MACROD2: variants seen among roughly 807,000 people sequenced by gnomAD.
MACROD2 encodes ADP-ribose glycohydrolase MACROD2.
Under a neutral mutation model 70.4 loss-of-function variants are expected in MACROD2, and 36 were observed. The ratio of observed to expected loss-of-function variants is 0.51; its 90% CI spans 0.39 to 0.68. The LOEUF (loss-of-function observed/expected upper bound fraction) is 0.68. Ranked by LOEUF, MACROD2 falls within the 30% of genes least tolerant of loss-of-function variation. The probability of loss-of-function intolerance (pLI) is 0.00; values close to 1 mark genes in which losing one functional copy is unlikely to be tolerated. For synonymous variants in MACROD2, 172 were observed against 178.8 expected (o/e 0.96, Z 0.30); for missense variants, 496 against 538.4 (o/e 0.92, Z 0.78).
intron 8 of MACROD2, among the ~76,000 whole-genome samples, chr20:15,658,227 T>C (rs75699434): frequency 1.0e-3 from 79 of 76,600 alleles, no homozygotes; most frequent in African/African-American, 3.6e-3. Flanking sequence ...CTCTCTCTCT[T>C]TTTTTTTTTT....
At chr20:15,004,267 GCTTCT>G (rs1189041909) in intron 5 of MACROD2, among the ~76,000 whole-genome samples, 1 of 152,132 alleles carries the variant, frequency 6.6e-6, no homozygotes, top group Non-Finnish European at 1.5e-5. Context: ...GAAATAATTA[GCTTCT>G]CTTTAAATTG....
At chr20:14,438,886 G>C (rs2084088931) in intron 3 of MACROD2, among the ~76,000 whole-genome samples, 2 of 152,016 alleles carry the variant, frequency 1.3e-5, no homozygotes, top group African/African-American at 2.4e-5. Flanking sequence ...TGTTTCCTTT[G>C]CTGTGCAGAA....
chr20:15,469,153 G>A (rs889477029), intron 7 of MACROD2, among the ~76,000 whole-genome samples: 1 of 152,130 alleles, frequency 6.6e-6, no homozygotes, highest in African/African-American at 2.4e-5. Flanking sequence ...AGAAGAAAAA[G>A]TAATACATGG....
At chr20:15,256,738 C>T (rs73101210) in intron 6 of MACROD2, among the ~76,000 whole-genome samples, 16,738 of 151,838 alleles carry the variant, frequency 0.11, 1,176 homozygotes, top group African/African-American at 0.19. Context: ...TCATTAACCA[C>T]GGAATTTTTA....
At chr20:14,955,009 T>C (rs371102380) in intron 5 of MACROD2, among the ~76,000 whole-genome samples, 2 of 97,616 alleles carry the variant, frequency 2.0e-5, no homozygotes, top group Non-Finnish European at 3.7e-5. Context: ...ATATTTATAT[T>C]TATATTATAT....
At chr20:14,192,157 G>T (rs2081394473) in intron 3 of MACROD2, among the ~76,000 whole-genome samples, 1 of 151,974 alleles carries the variant, frequency 6.6e-6, no homozygotes, top group Non-Finnish European at 1.5e-5. Context: ...CTAGTTGGAA[G>T]TTTTCTCTTC....
At chr20:15,869,265 A>AGAGAGAGAGC (rs1322416478) in intron 9 of MACROD2, among the ~76,000 whole-genome samples, 1 of 141,886 alleles carries the variant, frequency 7.0e-6, no homozygotes, top group African/African-American at 2.6e-5. Context: ...AGAGAGAGAG[A>AGAGAGAGAGC]GAGCAATGCT....
intron 5 of MACROD2, among the ~76,000 whole-genome samples, chr20:15,032,568 A>C (rs973895264): frequency 1.3e-5 from 2 of 152,204 alleles, no homozygotes; most frequent in African/African-American, 4.8e-5. Context: ...AGAGCTGCCG[A>C]CATTTGCTCA....
intron 6 of MACROD2, among the ~76,000 whole-genome samples, chr20:15,370,199 A>G (rs1463502707): frequency 6.6e-6 from 1 of 152,174 alleles, no homozygotes. Context: ...GAAGTCATTC[A>G]TTGGCTTAAA....
chr20:14,651,638 T>C (rs1985685088), intron 4 of MACROD2, among the ~76,000 whole-genome samples: 1 of 152,208 alleles, frequency 6.6e-6, no homozygotes, highest in African/African-American at 2.4e-5. Context: ...GAATGTATCA[T>C]GCATAGTGGC....
At chr20:14,823,889 A>G (rs2072874484) in intron 5 of MACROD2, among the ~76,000 whole-genome samples, 1 of 152,124 alleles carries the variant, frequency 6.6e-6, no homozygotes, top group Admixed American at 6.6e-5. Flanking sequence ...TGATATTGTA[A>G]GATATGCTCA....
At chr20:15,858,727 A>G (rs528575577) in intron 8 of MACROD2, among the ~76,000 whole-genome samples, 8 of 152,306 alleles carry the variant, frequency 5.3e-5, no homozygotes, top group Non-Finnish European at 7.3e-5. Context: ...GGGTAGTTGG[A>G]TCCATATTGT....
intron 8 of MACROD2, among the ~76,000 whole-genome samples, chr20:15,690,021 A>G (rs1055978738): frequency 6.6e-6 from 1 of 152,092 alleles, no homozygotes; most frequent in African/African-American, 2.4e-5. Flanking sequence ...ATGGTCAGGA[A>G]CTCTAGTTGT....
At chr20:15,908,527 C>T (rs2065184072) in intron 10 of MACROD2, among the ~76,000 whole-genome samples, 1 of 152,202 alleles carries the variant, frequency 6.6e-6, no homozygotes, top group African/African-American at 2.4e-5. Flanking sequence ...CTGCTTCCTG[C>T]TGGGACCATG....
intron 17 of MACROD2, among the ~76,000 whole-genome samples, chr20:16,045,365 G>A (rs1367569591): frequency 6.6e-6 from 1 of 152,164 alleles, no homozygotes; most frequent in Non-Finnish European, 1.5e-5. Flanking sequence ...AGCCAGTACT[G>A]CTTGCTTCAT....
At chr20:15,451,424 A>T (rs924734137) in intron 7 of MACROD2, among the ~76,000 whole-genome samples, 15 of 129,084 alleles carry the variant, frequency 1.2e-4, no homozygotes, top group Middle Eastern at 8.1e-3. Flanking sequence ...AAATAAAAAA[A>T]AAAAAAAAAA....
chr20:14,132,758 C>A (rs548776996), intron 3 of MACROD2, among the ~76,000 whole-genome samples: 1 of 152,226 alleles, frequency 6.6e-6, no homozygotes, highest in East Asian at 1.9e-4. Flanking sequence ...CTTTTCTCAG[C>A]CTCCTGAGTA....
intron 5 of MACROD2, among the ~76,000 whole-genome samples, chr20:15,200,186 C>A (rs1196454468): frequency 6.6e-6 from 1 of 152,146 alleles, no homozygotes; most frequent in East Asian, 1.9e-4. Flanking sequence ...AAGAAAAAAA[C>A]TGGAGTAAAA....
At chr20:15,758,068 A>G (rs1175455155) in intron 8 of MACROD2, among the ~76,000 whole-genome samples, 4 of 152,138 alleles carry the variant, frequency 2.6e-5, no homozygotes, top group Non-Finnish European at 5.9e-5. Flanking sequence ...AGATACAATT[A>G]CCATTGGTTT....
Sources: allele counts gnomAD v4.1 joint callset (sites outside exome capture counted in the v4.1 genomes callset), GRCh38; gene constraint gnomAD v4.1.1; transcripts MANE v1.5; gene names NCBI Gene and HGNC (gene_info 2026-07-23, HGNC 2026-07-21).